The following COMMD10 variants were observed in gnomAD, a reference collection of about 807,000 sequenced individuals.
COMMD10 encodes the protein COMM domain-containing protein 10.
A neutral mutation model predicts 28.9 loss-of-function variants in COMMD10; 33 were observed. The observed-to-expected ratio is 1.14, with a 90% confidence interval of 0.87 to 1.53. The LOEUF (loss-of-function observed/expected upper bound fraction) is 1.53, where lower values mean the gene tolerates loss of function less well. Ranked by LOEUF, COMMD10 falls within the 40% of genes most tolerant of loss-of-function variation. The pLI is 0.00. For missense variants in COMMD10, 310 were observed against 233.4 expected (o/e 1.33, Z -2.14); for synonymous variants, 110 against 81.7 (o/e 1.35, Z -1.87).
At chr5:116,149,423 A>T (rs1459869028) in intron 5 of COMMD10, among the ~76,000 whole-genome samples, 4 of 148,588 alleles carry the variant, frequency 2.7e-5, no homozygotes, top group East Asian at 2.0e-4. Flanking sequence ...TCCCTGAGGA[A>T]TCGCCACACA....
intron 5 of COMMD10, among the ~76,000 whole-genome samples, chr5:116,151,504 G>T (rs529015920): frequency 6.6e-6 from 1 of 152,210 alleles, no homozygotes; most frequent in Admixed American, 6.5e-5. Flanking sequence ...TCTTTGGTTG[G>T]TAAGCTATTG....
At chr5:116,112,252 T>A (rs189077277) in intron 4 of COMMD10, among the ~76,000 whole-genome samples, 344 of 152,298 alleles carry the variant, frequency 2.3e-3, no homozygotes, top group African/African-American at 7.5e-3. Flanking sequence ...TAAAGTATGC[T>A]TTATCTGATA....
chr5:116,199,720 A>C (rs992599610), intron 5 of COMMD10, among the ~76,000 whole-genome samples: 1 of 152,088 alleles, frequency 6.6e-6, no homozygotes, highest in Non-Finnish European at 1.5e-5. Context: ...ACTAGCCTAA[A>C]ATTTTCTTGA....
chr5:116,127,117 A>T (rs900221590), intron 4 of COMMD10, among the ~76,000 whole-genome samples: 1 of 152,206 alleles, frequency 6.6e-6, no homozygotes, highest in Admixed American at 6.5e-5. Context: ...TGGGCAAAGG[A>T]TATGAACAGA....
intron 5 of COMMD10, among the ~76,000 whole-genome samples, chr5:116,210,535 AT>A (rs1347074427): frequency 6.6e-6 from 1 of 152,098 alleles, no homozygotes; most frequent in Non-Finnish European, 1.5e-5. Flanking sequence ...ATAAGGGTAT[AT>A]TTGTTGACAA....
At chr5:116,157,075 C>T (rs1028379051) in intron 5 of COMMD10, among the ~76,000 whole-genome samples, 2 of 151,980 alleles carry the variant, frequency 1.3e-5, no homozygotes, top group African/African-American at 4.8e-5. Context: ...ACAATTTTGC[C>T]GATTTTTTGT....
At chr5:116,288,339 T>C (rs1254873887) in intron 5 of COMMD10, among the ~76,000 whole-genome samples, 4 of 151,902 alleles carry the variant, frequency 2.6e-5, no homozygotes, top group Non-Finnish European at 4.4e-5. Context: ...CTCCCTCATA[T>C]GTGATAAATC....
At chr5:116,242,524 G>A (rs1363124752) in intron 5 of COMMD10, among the ~76,000 whole-genome samples, 1 of 152,128 alleles carries the variant, frequency 6.6e-6, no homozygotes, top group East Asian at 1.9e-4. Context: ...TTTAGATTGA[G>A]TTTTTTCTCA....
intron 5 of COMMD10, among the ~76,000 whole-genome samples, chr5:116,242,831 T>C (rs897691825): frequency 6.6e-6 from 1 of 152,128 alleles, no homozygotes; most frequent in African/African-American, 2.4e-5. Context: ...AAAAGTGGTA[T>C]TAAGCTAATA....
At chr5:116,171,717 G>C (rs1345612525) in intron 5 of COMMD10, among the ~76,000 whole-genome samples, 2 of 152,022 alleles carry the variant, frequency 1.3e-5, no homozygotes, top group Non-Finnish European at 2.9e-5. Flanking sequence ...TCTGAGCAAA[G>C]TAACACAGGA....
intron 5 of COMMD10, among the ~76,000 whole-genome samples, chr5:116,245,112 ATATTC>A (rs1358861215): frequency 1.1e-4 from 16 of 151,718 alleles, no homozygotes; most frequent in African/African-American, 3.9e-4. Flanking sequence ...AGAAAAGAGA[ATATTC>A]ATATAAACAC....
intron 5 of COMMD10, among the ~76,000 whole-genome samples, chr5:116,277,617 C>T (rs1750954744): frequency 6.6e-6 from 1 of 151,932 alleles, no homozygotes; most frequent in Non-Finnish European, 1.5e-5. Flanking sequence ...ATGATAAACT[C>T]ACTGCCCTTC....
chr5:116,164,472 T>G (rs1009749559), intron 5 of COMMD10, among the ~76,000 whole-genome samples: 2 of 152,356 alleles, frequency 1.3e-5, no homozygotes, highest in Middle Eastern at 3.4e-3. Flanking sequence ...TTCATTGGTT[T>G]AGAGAAGTCT....
intron 5 of COMMD10, among the ~76,000 whole-genome samples, chr5:116,218,641 A>T (rs918371123): frequency 1.3e-5 from 2 of 152,216 alleles, no homozygotes; most frequent in Middle Eastern, 3.4e-3. Flanking sequence ...TCCCTGTTTG[A>T]CACAAATTTT....
chr5:116,260,279 A>T (rs1285799663), intron 5 of COMMD10, among the ~76,000 whole-genome samples: 1 of 151,558 alleles, frequency 6.6e-6, no homozygotes, highest in African/African-American at 2.4e-5. Context: ...TTTAGAAAGG[A>T]CATTTATTTA....
rs368423572 is a variant in COMMD10 at position 116,086,857 on chromosome 5, G to C, written c.42-640G>C. On this transcript the variant is annotated intron_variant, in intron 1 of 6. Coordinates refer to ENST00000274458, the MANE Select transcript of COMMD10 (RefSeq NM_016144.4). ...GCCAGCGCTGTGGCCCGCGCATGTA[G>C]TTCTAGCTACTTGGGAGGCTGAGGC... Among the ~76,000 whole-genome samples, 7 of 152,126 alleles carry C rather than the reference G, an allele frequency of 4.6e-5. No homozygotes were observed. In the East Asian group the frequency reaches 1.2e-3, roughly 25 times the overall value.
At chr5:116,197,952 T>G (rs976028286) in intron 5 of COMMD10, among the ~76,000 whole-genome samples, 1 of 152,160 alleles carries the variant, frequency 6.6e-6, no homozygotes, top group African/African-American at 2.4e-5. Context: ...TTCCTTATGG[T>G]TATTACCTGG....
intron 4 of COMMD10, among the ~76,000 whole-genome samples, chr5:116,114,740 T>C (rs1751174357): frequency 6.6e-6 from 1 of 152,158 alleles, no homozygotes; most frequent in Admixed American, 6.5e-5. Context: ...GGCTGGCAAG[T>C]GGGGAATCTG....
intron 5 of COMMD10, among the ~76,000 whole-genome samples, chr5:116,152,189 A>C (rs1752550606): frequency 6.6e-6 from 1 of 152,116 alleles, no homozygotes; most frequent in Admixed American, 6.6e-5. Flanking sequence ...CTTAATCCTG[A>C]GTTCTAGTTT....
Sources: gnomAD v4.1 joint callset for allele counts (sites outside exome capture counted in the v4.1 genomes callset) on GRCh38, gnomAD v4.1.1 for gene constraint, MANE v1.5 for transcripts, NCBI Gene and HGNC (gene_info 2026-07-23, HGNC 2026-07-21) for gene names.